The following ALK variants were observed in gnomAD, a reference collection of about 807,000 sequenced individuals.
ALK encodes the protein ALK receptor tyrosine kinase, also known as ALK tyrosine kinase receptor.
A neutral mutation model predicts 163.1 loss-of-function variants in ALK; 74 were observed. That is an observed-to-expected ratio of 0.45 (90% CI 0.38 to 0.55). The LOEUF is 0.55. Ranked by LOEUF, ALK falls within the 20% of genes least tolerant of loss-of-function variation. ALK has a pLI of 0.00. For missense variants in ALK, 2,063 were observed against 2,105.3 expected, an observed-to-expected ratio of 0.98 and a Z score of 0.39; for synonymous variants, 960 against 843.2, an observed-to-expected ratio of 1.14 and a Z score of -2.40.
At chr2:29,384,614 G>A (rs10186332) in intron 4 of ALK, among the ~76,000 whole-genome samples, 23,904 of 151,766 alleles carry the variant, frequency 0.16, 2,017 homozygotes, top group Non-Finnish European at 0.18. Flanking sequence ...TTGGACCATC[G>A]AATTTACTTT....
At chr2:29,729,278 T>G (rs1033665832) in intron 1 of ALK, among the ~76,000 whole-genome samples, 1 of 152,122 alleles carries the variant, frequency 6.6e-6, no homozygotes, top group Non-Finnish European at 1.5e-5. Context: ...AGAGCCTCTC[T>G]CTTTATTTTG....
At position 29,207,100 on chromosome 2, in the gene ALK, T is replaced by C. The variant is rs997695460; in HGVS notation, c.3938+71A>G. On this transcript the variant is annotated intron_variant, in intron 26 of 28. Coordinates refer to ENST00000389048, the MANE Select transcript of ALK (RefSeq NM_004304.5). ...TAACACACGGGCTCCCGGCTTAGAG[T>C]ATAGAGTCCTTTGGCCCAGGAGCAC... The C allele has an allele frequency of 3.9e-5, 47 of 1,194,212 alleles. 1 individual carries two copies. Among genetic ancestry groups the C allele is most frequent in the South Asian group, 1.2e-4 (10 of 82,714 alleles). The allele number at this position is 1,194,212 out of a possible 1,614,324, so 74.0% of individuals were successfully genotyped here.
rs146095938 is a variant in ALK at position 29,302,853 on chromosome 2, G to T, written c.1648-5796C>A. ...AGAATGAAACTGGATCCCACCTCTC[G>T]CCATATACAAAAATTAATTCAAGAT... On this transcript the variant is annotated intron_variant, in intron 8 of 28. Transcript: ENST00000389048. Among the ~76,000 whole-genome samples the T allele has an allele frequency of 2.0e-4, 30 of 152,112 alleles. 1 individual carries two copies. In the East Asian group the frequency reaches 5.6e-3, roughly 28 times the overall value.
chr2:29,238,486 C>G (rs569249573), intron 13 of ALK, among the ~76,000 whole-genome samples: 3 of 152,152 alleles, frequency 2.0e-5, no homozygotes, highest in Non-Finnish European at 2.9e-5. Context: ...CATGAACCAC[C>G]GCACCCGGCC....
chr2:29,766,663 T>A (rs554200203), intron 1 of ALK, among the ~76,000 whole-genome samples: 1 of 152,354 alleles, frequency 6.6e-6, no homozygotes, highest in Non-Finnish European at 1.5e-5. Flanking sequence ...ATGGTAAGAA[T>A]GAGTCTTCCT....
chr2:29,505,782 T>C (rs1672302432), intron 4 of ALK, among the ~76,000 whole-genome samples: 1 of 144,522 alleles, frequency 6.9e-6, no homozygotes, highest in South Asian at 2.2e-4. Context: ...GCTCTTTCCA[T>C]AATCTAAGGC....
chr2:29,275,040 T>C, intron 11 of ALK, 59 bp downstream of exon 11: 1 of 1,610,470 alleles, frequency 6.2e-7, no homozygotes, highest in South Asian at 1.1e-5. Context: ...GCACCAATCT[T>C]TCTTCTGCCT....
intron 1 of ALK, among the ~76,000 whole-genome samples, chr2:29,839,934 C>T (rs2148393911): frequency 6.6e-6 from 1 of 152,314 alleles, no homozygotes; most frequent in East Asian, 1.9e-4. Context: ...TTAATCCTTA[C>T]AGTCATGCTC....
intron 4 of ALK, among the ~76,000 whole-genome samples, chr2:29,457,641 G>T (rs2148098984): frequency 6.6e-6 from 1 of 152,146 alleles, no homozygotes; most frequent in African/African-American, 2.4e-5. Flanking sequence ...TATGAATCAG[G>T]GAGCTTGGGT....
At chr2:29,292,879 C>T (rs1666073129) in intron 9 of ALK, among the ~76,000 whole-genome samples, 1 of 152,196 alleles carries the variant, frequency 6.6e-6, no homozygotes, top group African/African-American at 2.4e-5. Context: ...GTACCTATGA[C>T]TTATTCACCG....
intron 1 of ALK, among the ~76,000 whole-genome samples, chr2:29,807,924 G>C (rs1333846598): frequency 6.6e-6 from 1 of 152,178 alleles, no homozygotes. Flanking sequence ...ATCTCAAAGA[G>C]AGAGAGTTTC....
chr2:29,706,975 ATGTGTGTGTG>A (rs766564449), intron 2 of ALK, among the ~76,000 whole-genome samples: 1,468 of 102,758 alleles, frequency 0.014, 8 homozygotes, highest in Admixed American at 0.018. Context: ...CTCATGCAGA[ATGTGTGTGTG>A]TGTGTGTGTG....
chr2:29,216,627 C>T (rs1456231432), intron 23 of ALK, among the ~76,000 whole-genome samples: 1 of 151,240 alleles, frequency 6.6e-6, no homozygotes, highest in South Asian at 2.1e-4. Flanking sequence ...CTGTGGTGTG[C>T]GTGTGTATTG....
chr2:29,375,299 CTATTT>C (rs150516954), intron 5 of ALK, among the ~76,000 whole-genome samples: 21,575 of 150,628 alleles, frequency 0.14, 1,742 homozygotes, highest in Non-Finnish European at 0.19. Context: ...GTTGTTATCC[CTATTT>C]TATTTTATTT....
At chr2:29,324,379 GA>G (rs1667183899) in intron 6 of ALK, among the ~76,000 whole-genome samples, 1 of 152,158 alleles carries the variant, frequency 6.6e-6, no homozygotes, top group Non-Finnish European at 1.5e-5. Context: ...AGAGTCATGG[GA>G]AAAATGCTAG....
At chr2:29,434,153 T>A (rs1259349820) in intron 4 of ALK, among the ~76,000 whole-genome samples, 1 of 152,158 alleles carries the variant, frequency 6.6e-6, no homozygotes, top group African/African-American at 2.4e-5. Context: ...TTATCCTTGG[T>A]TGGAAAGGGA....
chr2:29,848,671 G>C (rs1336922412), intron 1 of ALK, among the ~76,000 whole-genome samples: 1 of 152,200 alleles, frequency 6.6e-6, no homozygotes, highest in Non-Finnish European at 1.5e-5. Context: ...TCAGCTCTGA[G>C]CTTCCTGTGG....
chr2:29,539,905 T>C (rs1462165088), intron 3 of ALK, among the ~76,000 whole-genome samples: 2 of 152,186 alleles, frequency 1.3e-5, no homozygotes, highest in Admixed American at 6.5e-5. Context: ...AAACATTTAG[T>C]TTTTTCTTTA....
intron 1 of ALK, among the ~76,000 whole-genome samples, chr2:29,896,404 G>A (rs773837411): frequency 6.6e-6 from 1 of 152,152 alleles, no homozygotes; most frequent in Admixed American, 6.6e-5. Context: ...ACTGCATTTG[G>A]AGATCCAGCC....
Sources: allele counts gnomAD v4.1 joint callset (sites outside exome capture counted in the v4.1 genomes callset), GRCh38; gene constraint gnomAD v4.1.1; transcripts MANE v1.5; gene names NCBI Gene and HGNC (gene_info 2026-07-23, HGNC 2026-07-21).